The following ACVR1C variants were observed in gnomAD, a reference collection of about 807,000 sequenced individuals.
ACVR1C encodes the protein activin A receptor type 1C, also known as activin receptor type-1C.
In ACVR1C, 23 loss-of-function variants were observed where a neutral mutation model predicts 57.9. The ratio of observed to expected loss-of-function variants is 0.40; its 90% CI spans 0.29 to 0.56. The LOEUF (loss-of-function observed/expected upper bound fraction) is 0.56, where lower values mean the gene tolerates loss of function less well. Ranked by LOEUF, ACVR1C falls within the 20% of genes least tolerant of loss-of-function variation. The pLI, the probability that ACVR1C is intolerant of heterozygous loss-of-function variation, is 0.50. For missense variants in ACVR1C, 480 were observed against 607.9 expected (o/e 0.79, Z 2.21); for synonymous variants, 214 against 215.3 (o/e 0.99, Z 0.05).
chr2:157,560,299 G>A (rs139710006), intron 2 of ACVR1C, among the ~76,000 whole-genome samples: 1 of 152,224 alleles, frequency 6.6e-6, no homozygotes, highest in Non-Finnish European at 1.5e-5. Context: ...AAATATTGAT[G>A]TTTATGAGAT....
rs1687326942 is a variant in ACVR1C at position 157,530,439 on chromosome 2, T to C, written c.*3479A>G. 6.6e-6 allele frequency: 1 copy of C among 152,076 alleles called. No individual in the cohort carries two copies. The allele number at this position is 152,076 out of a possible 1,614,324, so 9.4% of individuals were successfully genotyped here. ...CAGACTCAAAGACAACCCTGAGTTT[T>C]CTCTGCCCCAATAAGTCACATGGTG... On this transcript the variant is annotated 3_prime_UTR_variant, in exon 9 of 9. Coordinates refer to ENST00000243349, the MANE Select transcript of ACVR1C (RefSeq NM_145259.3).
chr2:157,538,469 C>T, intron 8 of ACVR1C, 104 bp downstream of exon 8: 15 of 1,122,062 alleles, frequency 1.3e-5, no homozygotes, highest in Non-Finnish European at 1.8e-5. Context: ...CGTATGTCTA[C>T]ATATATGGAA....
At position 157,541,175 on chromosome 2, in the gene ACVR1C, C is replaced by A; in HGVS notation, c.1140G>T (p.Val380=). 6.2e-7 allele frequency: 1 copy of A among 1,613,886 alleles called. No homozygotes were observed. Among genetic ancestry groups the A allele is most frequent in the Non-Finnish European group, 8.5e-7 (1 of 1,179,888 alleles). The change falls in exon 7 of 9, where the codon GTG becomes GTT. Residue 380 remains valine (V), a synonymous_variant. Transcript: ENST00000243349. ...CTCGTTTGAAGGACTCAAAGATATT[C>A]ACATTCATTGTATCATCAAGCATTT... The part of the protein sequence containing the change: ...APEMLDDTMN[V]NIFESFKRAD...
intron 2 of ACVR1C, among the ~76,000 whole-genome samples, chr2:157,579,846 G>A (rs1260542488): frequency 6.6e-6 from 1 of 152,080 alleles, no homozygotes; most frequent in East Asian, 1.9e-4. Flanking sequence ...ATTTATAAAT[G>A]TCCTGGCTGA....
At chr2:157,572,441 A>G (rs144710676) in intron 2 of ACVR1C, among the ~76,000 whole-genome samples, 163 of 152,274 alleles carry the variant, frequency 1.1e-3, no homozygotes, top group African/African-American at 3.8e-3. Context: ...CACACAAAGC[A>G]GCTTGCTCAC....
chr2:157,580,112 C>T lies in ACVR1C; in HGVS notation c.304+7075G>A, dbSNP rs191826893. ...ACACACGCGCGCACGCACACACGTG[C>T]GCGTGCTATTTATCTTTCAAATAGT... On this transcript the variant is annotated intron_variant, in intron 2 of 8. Coordinates refer to ENST00000243349, the MANE Select transcript of ACVR1C (RefSeq NM_145259.3). Among the ~76,000 whole-genome samples the T allele has an allele frequency of 1.3e-3, 191 of 152,014 alleles. 1 individual carries two copies. The highest frequency in any genetic ancestry group is 4.1e-3 in the Admixed American group (62 of 15,278).
intron 2 of ACVR1C, among the ~76,000 whole-genome samples, chr2:157,568,425 TAA>T (rs1688452633): frequency 3.5e-5 from 2 of 57,350 alleles, no homozygotes; most frequent in African/African-American, 1.4e-4. Flanking sequence ...GCAAGTTGGA[TAA>T]AGAGTCAAGA....
In ACVR1C at chr2:157,533,915, T is replaced by A; in HGVS notation, c.*3A>T. Reference sequence around the variant, plus strand: ...AGATTTCTTTTTAACATAATTATCATCATTAGGCTTTGCAGTCTTCTTTGA... The same window carrying A: ...AGATTTCTTTTTAACATAATTATCAACATTAGGCTTTGCAGTCTTCTTTGA... On this transcript the variant is annotated 3_prime_UTR_variant, in exon 9 of 9. Coordinates refer to ENST00000243349, the MANE Select transcript of ACVR1C (RefSeq NM_145259.3). 1.3e-6 allele frequency: 2 copies of A among 1,565,156 alleles called. No homozygotes were observed. Among genetic ancestry groups the A allele is most frequent in the Non-Finnish European group, 1.7e-6 (2 of 1,162,534 alleles).
At chr2:157,541,882 G>T (rs1687634013) in intron 6 of ACVR1C, among the ~76,000 whole-genome samples, 1 of 152,138 alleles carries the variant, frequency 6.6e-6, no homozygotes, top group Non-Finnish European at 1.5e-5. Flanking sequence ...AAATAGTTTG[G>T]TTGTTTCTAA....
chr2:157,613,621 A>G (rs560201207), intron 1 of ACVR1C, among the ~76,000 whole-genome samples: 5 of 152,280 alleles, frequency 3.3e-5, no homozygotes, highest in Admixed American at 2.0e-4. Flanking sequence ...ATCTGTTGAT[A>G]TTGTCATATG....
intron 8 of ACVR1C, among the ~76,000 whole-genome samples, chr2:157,535,565 C>T (rs1687461302): frequency 6.6e-6 from 1 of 152,122 alleles, no homozygotes. Context: ...CGGTGGCTCA[C>T]ACCTGTAATT....
At chr2:157,588,739 G>T (rs1688986399) in intron 1 of ACVR1C, among the ~76,000 whole-genome samples, 1 of 150,508 alleles carries the variant, frequency 6.6e-6, no homozygotes, top group African/African-American at 2.4e-5. Flanking sequence ...ATGGCCTCCA[G>T]TTCCATCAGA....
chr2:157,582,172 G>T (rs929725265), intron 2 of ACVR1C, among the ~76,000 whole-genome samples: 2 of 151,558 alleles, frequency 1.3e-5, no homozygotes, highest in Non-Finnish European at 2.9e-5. Context: ...TTTTTTTTTT[G>T]AAATTAGCCA....
At chr2:157,566,631 C>T (rs1460635374) in intron 2 of ACVR1C, among the ~76,000 whole-genome samples, 2 of 151,950 alleles carry the variant, frequency 1.3e-5, no homozygotes, top group African/African-American at 2.4e-5. Context: ...TCACTCCCAC[C>T]CGAATATTGC....
chr2:157,555,035 C>T (rs1381570605), intron 3 of ACVR1C, among the ~76,000 whole-genome samples: 1 of 151,348 alleles, frequency 6.6e-6, no homozygotes, highest in East Asian at 1.9e-4. Context: ...AAATAAAAAA[C>T]CTTCAAATGC....
At chr2:157,622,779 T>C (rs1474618363) in intron 1 of ACVR1C, among the ~76,000 whole-genome samples, 1 of 152,094 alleles carries the variant, frequency 6.6e-6, no homozygotes, top group African/African-American at 2.4e-5. Context: ...GTTAAAAAGA[T>C]TCTGCATGGT....
chr2:157,588,376 C>A (rs1378307515), intron 1 of ACVR1C, among the ~76,000 whole-genome samples: 2 of 151,862 alleles, frequency 1.3e-5, no homozygotes, highest in Non-Finnish European at 2.9e-5. Flanking sequence ...ATTCAAATTT[C>A]ATTTAAATAT....
Position 157,533,905 on chromosome 2 carries a change from A to G in ACVR1C, c.*13T>C, listed in dbSNP as rs560112309. 25 of 1,540,042 alleles carry G rather than the reference A, an allele frequency of 1.6e-5. No homozygotes were observed. In the South Asian group the frequency reaches 2.9e-4, roughly 18 times the overall value. The stretch of plus-strand genomic sequence containing the variant: ...AAGCTATGAGAGATTTCTTTTTAAC[A>G]TAATTATCATCATTAGGCTTTGCAG... On this transcript the variant is annotated 3_prime_UTR_variant, in exon 9 of 9. Transcript: ENST00000243349.
At chr2:157,556,377 T>G (rs201673236) in intron 2 of ACVR1C, 45 bp from the exon 3 acceptor site, 4 of 1,598,424 alleles carry the variant, frequency 2.5e-6, no homozygotes, top group Non-Finnish European at 3.4e-6. Context: ...TCAAACCATT[T>G]TAAGTATTTT....
Sources: allele counts gnomAD v4.1 joint callset (sites outside exome capture counted in the v4.1 genomes callset), GRCh38; gene constraint gnomAD v4.1.1; transcripts MANE v1.5; gene names NCBI Gene and HGNC (gene_info 2026-07-23, HGNC 2026-07-21).